Variants in CREB5 observed in about 807,000 individuals in gnomAD.
CREB5 encodes the protein cAMP responsive element binding protein 5, also known as cyclic AMP-responsive element-binding protein 5.
Under a neutral mutation model 57.1 loss-of-function variants are expected in CREB5, and 19 were observed. The ratio of observed to expected loss-of-function variants is 0.33; its 90% CI spans 0.23 to 0.49. The LOEUF (loss-of-function observed/expected upper bound fraction) is 0.49, where lower values mean the gene tolerates loss of function less well. Ranked by LOEUF, CREB5 falls within the 20% of genes least tolerant of loss-of-function variation. The pLI, the probability that CREB5 is intolerant of heterozygous loss-of-function variation, is 0.99. For missense variants in CREB5, 579 were observed against 671.6 expected (o/e 0.86, Z 1.52); for synonymous variants, 238 against 238.3 (o/e 1.00, Z 0.01).
chr7:28,421,634 G>A (rs1293894944), intron 1 of CREB5, among the ~76,000 whole-genome samples: 2 of 151,872 alleles, frequency 1.3e-5, no homozygotes, highest in African/African-American at 4.8e-5. Context: ...CCTCTTTTCT[G>A]GCTTGGATCT....
At chr7:28,536,729 G>A (rs1793980274) in intron 4 of CREB5, among the ~76,000 whole-genome samples, 1 of 152,146 alleles carries the variant, frequency 6.6e-6, no homozygotes, top group African/African-American at 2.4e-5. Flanking sequence ...TGACTTGTGA[G>A]TGTTACATGT....
intron 4 of CREB5, among the ~76,000 whole-genome samples, chr7:28,530,029 C>T (rs1793654824): frequency 1.3e-5 from 2 of 152,202 alleles, no homozygotes; most frequent in South Asian, 2.1e-4. Flanking sequence ...GAAATGAACT[C>T]AGAGATTAAG....
At chr7:28,495,387 C>G (rs1791990708) in intron 3 of CREB5, among the ~76,000 whole-genome samples, 1 of 151,784 alleles carries the variant, frequency 6.6e-6, no homozygotes, top group Admixed American at 6.6e-5. Context: ...ACAAAAAATA[C>G]AAAAATTAGC....
intron 1 of CREB5, among the ~76,000 whole-genome samples, chr7:28,299,683 A>C (rs1037989667): frequency 2.6e-5 from 4 of 152,218 alleles, no homozygotes; most frequent in Non-Finnish European, 5.9e-5. Context: ...TTTTTTGCTC[A>C]TGCTACCTGA....
chr7:28,804,567 TA>T (rs1562653066), intron 8 of CREB5, 45 bp downstream of exon 8: 7 of 1,594,636 alleles, frequency 4.4e-6, no homozygotes, highest in Non-Finnish European at 6.0e-6. Context: ...TTCTCCTTCT[TA>T]ACAGTGCAAG....
chr7:28,338,209 G>A (rs547474497), intron 1 of CREB5, among the ~76,000 whole-genome samples: 5 of 152,068 alleles, frequency 3.3e-5, no homozygotes, highest in African/African-American at 1.2e-4. Flanking sequence ...TACTATTGCC[G>A]GTGACTTTAG....
intron 3 of CREB5, among the ~76,000 whole-genome samples, chr7:28,496,798 G>GT (rs10542662): frequency 0.01 from 1,519 of 148,352 alleles, 5 homozygotes; most frequent in Non-Finnish European, 0.014. Context: ...GTTTGTTATT[G>GT]TTTTTTTTTT....
chr7:28,810,284 A>G (rs1214261374), intron 9 of CREB5, among the ~76,000 whole-genome samples: 1 of 152,136 alleles, frequency 6.6e-6, no homozygotes, highest in African/African-American at 2.4e-5. Context: ...CAGGGATAGC[A>G]TTAAGAGTTG....
chr7:28,388,106 A>G (rs1435807924), intron 1 of CREB5, among the ~76,000 whole-genome samples: 1 of 152,210 alleles, frequency 6.6e-6, no homozygotes, highest in East Asian at 1.9e-4. Context: ...TGAGTTCCTA[A>G]GAGAGAATCT....
intron 5 of CREB5, among the ~76,000 whole-genome samples, chr7:28,612,835 G>A (rs1797447716): frequency 6.6e-6 from 1 of 152,120 alleles, no homozygotes; most frequent in African/African-American, 2.4e-5. Flanking sequence ...AAAGAGAAGA[G>A]TGACTTTCTA....
chr7:28,560,875 C>CGCGTGCGTGTGTGTGCGTGCGT (rs1795127001), intron 4 of CREB5, among the ~76,000 whole-genome samples: 1 of 19,220 alleles, frequency 5.2e-5, no homozygotes, highest in South Asian at 4.5e-3. Context: ...CCTGCGTGCG[C>CGCGTGCGTGTGTGTGCGTGCGT]GTGCGTGCGT....
At chr7:28,356,179 A>G (rs1348967011) in intron 1 of CREB5, among the ~76,000 whole-genome samples, 2 of 152,228 alleles carry the variant, frequency 1.3e-5, no homozygotes, top group African/African-American at 4.8e-5. Flanking sequence ...ATCAGGGGGC[A>G]CTTAAGCCCA....
At chr7:28,498,741 G>A (rs1363744570) in intron 3 of CREB5, among the ~76,000 whole-genome samples, 1 of 152,200 alleles carries the variant, frequency 6.6e-6, no homozygotes, top group East Asian at 1.9e-4. Flanking sequence ...GGAGATGACA[G>A]TGTTGGATTT....
chr7:28,803,755 CAAAAAAAAAAAAA>C (rs562078960), intron 7 of CREB5, among the ~76,000 whole-genome samples: 3 of 79,800 alleles, frequency 3.8e-5, no homozygotes, highest in Non-Finnish European at 7.3e-5. Context: ...GACTCCATCT[CAAAAAAAAAAAAA>C]AAAAAAAAAA....
intron 4 of CREB5, among the ~76,000 whole-genome samples, chr7:28,553,200 C>G (rs1794737722): frequency 6.6e-6 from 1 of 152,194 alleles, no homozygotes; most frequent in African/African-American, 2.4e-5. Flanking sequence ...CTACCCACCC[C>G]TAATTTATTT....
chr7:28,575,364 G>A (rs1466057686), intron 5 of CREB5, among the ~76,000 whole-genome samples: 5 of 152,156 alleles, frequency 3.3e-5, no homozygotes, highest in African/African-American at 1.2e-4. Context: ...AGAGAAGTGG[G>A]TAAATGATGC....
At chr7:28,303,774 T>G (rs1393590698) in intron 1 of CREB5, among the ~76,000 whole-genome samples, 1 of 152,200 alleles carries the variant, frequency 6.6e-6, no homozygotes, top group East Asian at 1.9e-4. Context: ...CTTAATGTTA[T>G]TGCAGATAAG....
intron 1 of CREB5, among the ~76,000 whole-genome samples, chr7:28,327,764 A>G (rs968334683): frequency 6.6e-6 from 1 of 152,220 alleles, no homozygotes; most frequent in Non-Finnish European, 1.5e-5. Context: ...ATTTCACTGA[A>G]ATAATTTTTG....
chr7:28,666,888 T>C (rs1324076596), intron 5 of CREB5, among the ~76,000 whole-genome samples: 1 of 151,394 alleles, frequency 6.6e-6, no homozygotes, highest in Non-Finnish European at 1.5e-5. Flanking sequence ...GAGCTATCAT[T>C]ATGCCACTGT....
Sources: gnomAD v4.1 joint callset for allele counts (sites outside exome capture counted in the v4.1 genomes callset) on GRCh38, gnomAD v4.1.1 for gene constraint, MANE v1.5 for transcripts, NCBI Gene and HGNC (gene_info 2026-07-23, HGNC 2026-07-21) for gene names.